Variants in SNX27 observed in about 807,000 individuals in gnomAD.
SNX27 encodes sorting nexin-27.
SNX27 carries 22 observed loss-of-function variants against 71.6 expected under a neutral mutation model. The observed-to-expected ratio is 0.31, with a 90% CI of 0.22 to 0.44. The LOEUF is 0.44. SNX27 is among the 20% of genes least tolerant of loss of function. SNX27 has a pLI of 1.00. For missense variants in SNX27, 531 were observed against 698.6 expected, an observed-to-expected ratio of 0.76 and a Z score of 2.70; for synonymous variants, 269 against 277.2, an observed-to-expected ratio of 0.97 and a Z score of 0.29.
At chr1:151,691,224 A>G (rs1458816375) in intron 8 of SNX27, among the ~76,000 whole-genome samples, 1 of 151,994 alleles carries the variant, frequency 6.6e-6, no homozygotes, top group Non-Finnish European at 1.5e-5. Flanking sequence ...TGGAGCTTGC[A>G]GTGAGCCGAG....
Position 151,638,823 on chromosome 1 carries a change from TG to T in SNX27, c.312-63del, listed in dbSNP as rs748483736. The T allele has an allele frequency of 9.1e-6, 13 of 1,430,308 alleles. No homozygotes were observed. In the African/African-American group the frequency reaches 1.1e-4, roughly 12 times the overall value. The allele number at this position is 1,430,308 out of a possible 1,614,324, so 88.6% of individuals were successfully genotyped here. On this transcript the variant is annotated intron_variant, in intron 1 of 11. Transcript: ENST00000458013. ...TGACACTGGAGTTTGGGCAGGAGGG[TG>T]GAGATACAAGGTGTTTGGACCCTTC...
At position 151,612,091 on chromosome 1, in the gene SNX27, C is replaced by T; in HGVS notation, c.-111C>T. ...TCGGTGGCCGAGTCGGTCCCGCGGC[C>T]GGCGGATCGGGCGCGCGCGTCGGGG... On this transcript the variant is annotated 5_prime_UTR_variant, in exon 1 of 12. Coordinates refer to ENST00000458013, the MANE Select transcript of SNX27 (RefSeq NM_001330723.2). This position sits in a 1 kb window ranked among gnomAD's most constrained non-coding sequence, Gnocchi z 5.2. The T allele has an allele frequency of 3.4e-6, 4 of 1,179,356 alleles. No individual in the cohort carries two copies. The highest frequency in any genetic ancestry group is 3.3e-6 in the Non-Finnish European group (3 of 922,384). The allele number at this position is 1,179,356 out of a possible 1,614,324, so 73.1% of individuals were successfully genotyped here.
chr1:151,674,795 T>A (rs1028976157), intron 7 of SNX27, among the ~76,000 whole-genome samples: 1 of 152,042 alleles, frequency 6.6e-6, no homozygotes, highest in Non-Finnish European at 1.5e-5. Context: ...CAAGCAATTC[T>A]CCTGCCTCAG....
At chr1:151,638,378 G>A (rs543755440) in intron 1 of SNX27, among the ~76,000 whole-genome samples, 1 of 152,328 alleles carries the variant, frequency 6.6e-6, no homozygotes, top group African/African-American at 2.4e-5. Context: ...GGATGTAAAT[G>A]TAAAGGAATT....
intron 1 of SNX27, among the ~76,000 whole-genome samples, chr1:151,637,319 C>A (rs1321741567): frequency 1.3e-5 from 2 of 152,042 alleles, no homozygotes; most frequent in Non-Finnish European, 2.9e-5. Flanking sequence ...GCTGGGACTA[C>A]AGGCGCCCAC....
At chr1:151,693,841 G>A in intron 11 of SNX27, 2 of 1,433,788 alleles carry the variant, frequency 1.4e-6, no homozygotes, top group Non-Finnish European at 1.8e-6. Context: ...TAGCCGTCTT[G>A]ACTGGATGAG....
chr1:151,636,175 C>G (rs1668449016), intron 1 of SNX27, among the ~76,000 whole-genome samples: 1 of 151,956 alleles, frequency 6.6e-6, no homozygotes, highest in Admixed American at 6.6e-5. Context: ...ATAAAAAATT[C>G]TTTAAAGGAA....
chr1:151,638,017 T>C (rs1668549095), intron 1 of SNX27, among the ~76,000 whole-genome samples: 2 of 152,232 alleles, frequency 1.3e-5, no homozygotes, highest in African/African-American at 4.8e-5. Flanking sequence ...TTCTGGAAGG[T>C]AGTTTGGTTT....
chr1:151,692,308 T>C lies in SNX27; in HGVS notation c.1240-127T>C, dbSNP rs1039639170. The stretch of plus-strand genomic sequence containing the variant: ...GACCAGAGGCCAGGTCTTCAGGTTG[T>C]TGGGTGAGAATACTCTTTGTTCTTT... On this transcript the variant is annotated intron_variant, in intron 8 of 11. Coordinates refer to ENST00000458013, the MANE Select transcript of SNX27 (RefSeq NM_001330723.2). 12 of 1,237,230 alleles carry C rather than the reference T, an allele frequency of 9.7e-6. No individual in the cohort carries two copies. The African/African-American group carries it at 1.4e-4, about 14-fold the overall frequency. 76.6% of individuals were successfully genotyped at this position (1,237,230 alleles called of 1,614,324 possible). A position where few individuals can be genotyped will look rare whatever the true frequency, so the allele number is the denominator to read the frequency against.
intron 4 of SNX27, 130 bp from the exon 5 acceptor site, chr1:151,662,036 A>AT (rs3831367): frequency 0.59 from 334,199 of 569,894 alleles, 103,352 homozygotes; most frequent in Non-Finnish European, 0.67. Flanking sequence ...AAATGTATTG[A>AT]TTTTTTTCCC....
At chr1:151,671,419 G>A (rs757392345) in intron 7 of SNX27, among the ~76,000 whole-genome samples, 2 of 151,658 alleles carry the variant, frequency 1.3e-5, no homozygotes, top group Admixed American at 1.3e-4. Context: ...TTAAGTTTTT[G>A]TAGAGGTGGG....
chr1:151,630,755 C>G (rs367859190), intron 1 of SNX27, among the ~76,000 whole-genome samples: 1 of 152,162 alleles, frequency 6.6e-6, no homozygotes, highest in South Asian at 2.1e-4. Flanking sequence ...ATTCTTCGGC[C>G]GGGCACGGTG....
At position 151,694,937 on chromosome 1, in the gene SNX27, C is replaced by A. The variant is rs1671631763; in HGVS notation, c.*520C>A. On this transcript the variant is annotated 3_prime_UTR_variant, in exon 12 of 12. Coordinates refer to ENST00000458013, the MANE Select transcript of SNX27 (RefSeq NM_001330723.2). ...TAGAATCCATGACCTCCCTCGTGCT[C>A]TCTTTCTTTTGAAACAAACTTTAAA... 6.6e-6 allele frequency: 1 copy of A among 152,526 alleles called. No homozygotes were observed. Among genetic ancestry groups the A allele is most frequent in the Non-Finnish European group, 1.5e-5 (1 of 68,036 alleles). 9.4% of individuals were successfully genotyped at this position (152,526 alleles called of 1,614,324 possible).
intron 7 of SNX27, chr1:151,677,416 A>G (rs779785837): frequency 2.6e-5 from 4 of 152,198 alleles, no homozygotes; most frequent in Admixed American, 1.3e-4. Flanking sequence ...TGGAGTAGAA[A>G]AATCATTAGC....
chr1:151,652,548 A>G (rs1669463283), intron 2 of SNX27, among the ~76,000 whole-genome samples: 1 of 151,640 alleles, frequency 6.6e-6, no homozygotes. Context: ...AGCTGGGACT[A>G]CAGGCAGCCG....
intron 1 of SNX27, among the ~76,000 whole-genome samples, chr1:151,633,167 C>T (rs932272124): frequency 4.6e-5 from 7 of 152,030 alleles, no homozygotes; most frequent in Non-Finnish European, 7.4e-5. Context: ...CCACCGCGCT[C>T]GGCCAATAAA....
chr1:151,638,551 G>A (rs1668574865), intron 1 of SNX27, among the ~76,000 whole-genome samples: 1 of 152,196 alleles, frequency 6.6e-6, no homozygotes, highest in South Asian at 2.1e-4. Context: ...TACATGCTTA[G>A]TTAGAATGAG....
chr1:151,621,377 TC>T (rs892703110), intron 1 of SNX27, among the ~76,000 whole-genome samples: 1 of 152,230 alleles, frequency 6.6e-6, no homozygotes, highest in African/African-American at 2.4e-5. Flanking sequence ...ATTTGAGTAC[TC>T]TTATGTGTAC....
chr1:151,684,437 A>G (rs1040762525), intron 8 of SNX27, among the ~76,000 whole-genome samples: 6 of 152,222 alleles, frequency 3.9e-5, no homozygotes, highest in African/African-American at 1.4e-4. Flanking sequence ...TGCCTAGAGT[A>G]TTCCTTAAAT....
Sources: allele counts gnomAD v4.1 joint callset (sites outside exome capture counted in the v4.1 genomes callset), GRCh38; gene constraint gnomAD v4.1.1; non-coding constraint Gnocchi (gnomAD v3.1); transcripts MANE v1.5; gene names NCBI Gene and HGNC (gene_info 2026-07-23, HGNC 2026-07-21).